Variants in RAB3IL1 observed in about 807,000 individuals in gnomAD.
RAB3IL1 encodes the protein RAB3A interacting protein like 1, also known as guanine nucleotide exchange factor for Rab-3A.
A neutral mutation model predicts 49.2 loss-of-function variants in RAB3IL1; 37 were observed. The observed-to-expected ratio is 0.75, with a 90% confidence interval of 0.58 to 0.99. The LOEUF (loss-of-function observed/expected upper bound fraction) is 0.99. Ranked by LOEUF, RAB3IL1 falls within the 50% of genes least tolerant of loss-of-function variation. The pLI is 0.00. For missense variants in RAB3IL1, 484 were observed against 513.0 expected, an observed-to-expected ratio of 0.94 and a Z score of 0.55; for synonymous variants, 193 against 213.9, an observed-to-expected ratio of 0.90 and a Z score of 0.85.
intron 7 of RAB3IL1, 27 bp from the exon 8 acceptor site, chr11:61,902,568 G>C (rs1260816458): frequency 6.4e-7 from 1 of 1,555,254 alleles, no homozygotes; most frequent in South Asian, 1.2e-5. Flanking sequence ...TGGGTCACGG[G>C]GGCTGGCTGG....
At chr11:61,900,435 G>T (rs546963513) in intron 8 of RAB3IL1, among the ~76,000 whole-genome samples, 1 of 152,242 alleles carries the variant, frequency 6.6e-6, no homozygotes, top group Non-Finnish European at 1.5e-5. Context: ...GAAGCTTCGG[G>T]GAGGGGCGGG....
rs1384762202 is a variant in RAB3IL1, at chr11:61,898,708, A to G, written c.1067-348T>C. The stretch of plus-strand genomic sequence containing the variant: ...GGCACAGATGCCTCCCTGGGGTCTC[A>G]CAAGGACCCTGCGCAGTGAGGCGGG... On this transcript the variant is annotated intron_variant, in intron 9 of 9. Transcript: ENST00000394836. The surrounding 1 kb of genome is among the most constrained non-coding windows in gnomAD (Gnocchi z 5.1). The G allele has an allele frequency of 2.1e-6, 1 of 485,874 alleles. No homozygotes were observed. The highest frequency in any genetic ancestry group is 4.0e-6 in the Non-Finnish European group (1 of 249,006). 30.1% of individuals were successfully genotyped at this position (485,874 alleles called of 1,614,324 possible).
At chr11:61,917,613 C>T (rs1939765160), upstream of RAB3IL1, 2 of 1,025,770 alleles carry the variant, frequency 1.9e-6, no homozygotes, top group Non-Finnish European at 2.3e-6. Flanking sequence ...GGCCCCGCCC[C>T]TCCGCCGGCC....
intron 1 of RAB3IL1, among the ~76,000 whole-genome samples, chr11:61,912,354 C>A (rs1939490287): frequency 6.6e-6 from 1 of 152,218 alleles, no homozygotes; most frequent in Non-Finnish European, 1.5e-5. Flanking sequence ...GATTAACATC[C>A]AGGGACCAAG....
the RAB3IL1 span, among the ~76,000 whole-genome samples, chr11:61,945,337 C>G: frequency 6.6e-6 from 1 of 152,176 alleles, no homozygotes; most frequent in African/African-American, 2.4e-5. Flanking sequence ...ATTGTTTCTA[C>G]TATTCTTTCC....
At chr11:61,945,064 GGAAGC>G in the RAB3IL1 span, among the ~76,000 whole-genome samples, 2 of 152,162 alleles carry the variant, frequency 1.3e-5, no homozygotes, top group Non-Finnish European at 2.9e-5. Flanking sequence ...CTGTAGCTGT[GGAAGC>G]CCAGCCAGTC....
Position 61,904,647 on chromosome 11 carries a change from C to G in RAB3IL1, c.798G>C (p.Leu266=). The change falls in exon 7 of 10, where the codon CTG becomes CTC. Residue 266 remains leucine, a synonymous_variant. Coordinates refer to ENST00000394836, the MANE Select transcript of RAB3IL1 (RefSeq NM_013401.4). The part of the protein sequence containing the change: ...LDFTMQELSV[L]VRAAVEDNTL... ...TGTTGTCCTCCACGGCGGCCCGTACCAGCACCGAGAGCTGTGGCAGACCAG... is the reference window on the plus strand; with the variant it reads ...TGTTGTCCTCCACGGCGGCCCGTACGAGCACCGAGAGCTGTGGCAGACCAG... 4.3e-6 allele frequency: 7 copies of G among 1,610,802 alleles called. No homozygotes were observed. Among genetic ancestry groups the G allele is most frequent in the Non-Finnish European group, 5.9e-6 (7 of 1,178,666 alleles).
chr11:61,937,866 T>G, the RAB3IL1 span: 1 of 152,124 alleles, frequency 6.6e-6, no homozygotes, highest in Non-Finnish European at 1.5e-5. Context: ...TTAGTAGAAT[T>G]GATTTTTTTT....
the RAB3IL1 span, among the ~76,000 whole-genome samples, chr11:61,945,174 T>C: frequency 0.013 from 1,932 of 152,298 alleles, 22 homozygotes; most frequent in Non-Finnish European, 0.018. Flanking sequence ...TCATCTAGCC[T>C]ACCCTTGTGC....
Position 61,907,562 on chromosome 11 carries a change from T to C in RAB3IL1, c.360+3A>G. On this transcript the variant is annotated splice_donor_region_variant and intron_variant, in intron 3 of 9. Coordinates refer to ENST00000394836, the MANE Select transcript of RAB3IL1 (RefSeq NM_013401.4). ...AAGTTGTTCCCGCGCCCAGCCGGTG[T>C]ACCTCAAACAGGCTGGCCGTCAGCT... 6.2e-7 allele frequency: 1 copy of C among 1,614,140 alleles called. No individual in the cohort carries two copies. The highest frequency in any genetic ancestry group is 1.1e-5 in the South Asian group (1 of 91,076).
At chr11:61,917,251 C>A (rs1591240904) in intron 1 of RAB3IL1, 106 bp downstream of exon 1, 1 of 1,307,436 alleles carries the variant, frequency 7.6e-7, no homozygotes, top group Non-Finnish European at 9.7e-7. Context: ...CGCACAGCAC[C>A]TCCGGGTGGC....
the RAB3IL1 span, among the ~76,000 whole-genome samples, chr11:61,944,890 G>A: frequency 6.6e-6 from 1 of 152,104 alleles, no homozygotes; most frequent in Non-Finnish European, 1.5e-5. Flanking sequence ...TAGTAGAGAC[G>A]GGATTTTGCC....
chr11:61,933,009 T>G, the RAB3IL1 span, among the ~76,000 whole-genome samples: 1 of 152,206 alleles, frequency 6.6e-6, no homozygotes, highest in Non-Finnish European at 1.5e-5. Context: ...GACCTTGTGA[T>G]CTGCCTGCCT....
At chr11:61,930,817 T>C in the RAB3IL1 span, among the ~76,000 whole-genome samples, 5 of 152,128 alleles carry the variant, frequency 3.3e-5, no homozygotes, top group African/African-American at 1.2e-4. Flanking sequence ...ACGAAAAACA[T>C]TATTAGTGTA....
chr11:61,898,290 G>C lies in RAB3IL1; in HGVS notation c.1137C>G (p.Pro379=), dbSNP rs1007752307. ...CCTGGGCCGCGCCCTAAGCCTCCTG[G>C]GGGAAGAAGCCGAGCTTGGCCAGTG... The part of the protein sequence containing the change: ...EMSLAKLGFF[P]QEA Residue 379 remains proline, a synonymous_variant, in exon 10 of 10, where the codon CCC becomes CCG. Coordinates refer to ENST00000394836, the MANE Select transcript of RAB3IL1 (RefSeq NM_013401.4). This position sits in a 1 kb window ranked among gnomAD's most constrained non-coding sequence, Gnocchi z 5.1. The C allele has an allele frequency of 1.2e-5, 20 of 1,613,066 alleles. 1 individual carries two copies. In the Admixed American group the frequency reaches 2.0e-4, roughly 16 times the overall value.
At chr11:61,901,871 G>A (rs571181675) in intron 8 of RAB3IL1, among the ~76,000 whole-genome samples, 2 of 152,354 alleles carry the variant, frequency 1.3e-5, no homozygotes, top group Admixed American at 6.5e-5. Context: ...AGTAAGTAGT[G>A]CTTAGACTCC....
upstream of RAB3IL1, among the ~76,000 whole-genome samples, chr11:61,923,375 T>C (rs1939946381): frequency 6.6e-6 from 1 of 152,258 alleles, no homozygotes; most frequent in Admixed American, 6.5e-5. Flanking sequence ...CTTCTTGCTA[T>C]CTCAGCGTCA....
the RAB3IL1 span, among the ~76,000 whole-genome samples, chr11:61,925,491 C>T: frequency 6.6e-6 from 1 of 152,142 alleles, no homozygotes; most frequent in Admixed American, 6.5e-5. Context: ...ACGAATTAGC[C>T]AGGCATGGTG....
intron 8 of RAB3IL1, among the ~76,000 whole-genome samples, chr11:61,901,648 C>T (rs2136022462): frequency 6.6e-6 from 1 of 152,330 alleles, no homozygotes; most frequent in East Asian, 1.9e-4. Context: ...TGCAACAAGG[C>T]CCTGTGGCAG....
Sources: gnomAD v4.1 joint callset for allele counts (sites outside exome capture counted in the v4.1 genomes callset) on GRCh38, gnomAD v4.1.1 for gene constraint, Gnocchi (gnomAD v3.1) non-coding constraint, MANE v1.5 for transcripts, NCBI Gene and HGNC (gene_info 2026-07-23, HGNC 2026-07-21) for gene names.